BCAS3: variants seen among roughly 807,000 people sequenced by gnomAD.
BCAS3 encodes BCAS4/BCAS3 fusion.
A neutral mutation model predicts 116.1 loss-of-function variants in BCAS3; 53 were observed. That is an observed-to-expected ratio of 0.46 (90% confidence interval 0.37 to 0.57). The LOEUF (loss-of-function observed/expected upper bound fraction) is 0.57. Ranked by LOEUF, BCAS3 falls within the 20% of genes least tolerant of loss-of-function variation. BCAS3 has a pLI of 0.00. For missense variants in BCAS3, 917 were observed against 1,165.4 expected, an observed-to-expected ratio of 0.79 and a Z score of 3.10; for synonymous variants, 391 against 408.2, an observed-to-expected ratio of 0.96 and a Z score of 0.51.
intron 6 of BCAS3, among the ~76,000 whole-genome samples, chr17:60,785,098 C>CA (rs931845850): frequency 1.5e-4 from 23 of 150,786 alleles, no homozygotes; most frequent in African/African-American, 4.4e-4. Flanking sequence ...GACTCCGTCT[C>CA]AAAAAAAAAG....
At chr17:61,027,727 T>C (rs991279352) in intron 16 of BCAS3, among the ~76,000 whole-genome samples, 2 of 151,922 alleles carry the variant, frequency 1.3e-5, no homozygotes, top group South Asian at 4.1e-4. Flanking sequence ...AAAACCTTTC[T>C]ATTTCTTATT....
intron 22 of BCAS3, among the ~76,000 whole-genome samples, chr17:61,096,428 G>A (rs183510651): frequency 6.6e-5 from 10 of 152,274 alleles, no homozygotes; most frequent in Admixed American, 6.5e-4. Flanking sequence ...ATGGTGGTAT[G>A]CACCTGTAGT....
intron 13 of BCAS3, among the ~76,000 whole-genome samples, chr17:60,937,315 G>A (rs2059989542): frequency 6.6e-6 from 1 of 151,324 alleles, no homozygotes; most frequent in Admixed American, 6.6e-5. Flanking sequence ...GGGTGGGGTG[G>A]CTGCTCAAGT....
chr17:61,166,736 C>T (rs916069501), intron 22 of BCAS3, among the ~76,000 whole-genome samples: 1 of 152,024 alleles, frequency 6.6e-6, no homozygotes, highest in African/African-American at 2.4e-5. Context: ...TTTTTAGAGA[C>T]ATCATCTCAC....
rs551803031 is a variant in BCAS3 at position 61,149,972 on chromosome 17, C to T, written c.2425+65408C>T. Among the ~76,000 whole-genome samples, 4 of 152,164 alleles carry T rather than the reference C, an allele frequency of 2.6e-5. No individual in the cohort carries two copies. In the East Asian group the frequency reaches 7.7e-4, roughly 29 times the overall value. ...TGTGGAAAAGGTGGTAACAATTTAA[C>T]AAGACTGTACAACTGCAGAGACTTA... On this transcript the variant is annotated intron_variant, in intron 22 of 23. Coordinates refer to ENST00000407086, the MANE Select transcript of BCAS3 (RefSeq NM_017679.5).
rs762668532 is a variant in BCAS3, at chr17:61,077,225, A to G, written c.2131-1108A>G. On this transcript the variant is annotated intron_variant, in intron 20 of 23. Coordinates refer to ENST00000407086, the MANE Select transcript of BCAS3 (RefSeq NM_017679.5). This position sits in a 1 kb window ranked among gnomAD's most constrained non-coding sequence, Gnocchi z 4.3. The stretch of plus-strand genomic sequence containing the variant: ...CTTCTTTGACTTTATAATGTTTAAT[A>G]AAGTATTGGCGGCCGGGCGCAGTGG... Among the ~76,000 whole-genome samples, 11 of 152,102 alleles carry G rather than the reference A, an allele frequency of 7.2e-5. No homozygotes were observed. The highest frequency in any genetic ancestry group is 1.6e-4 in the Non-Finnish European group (11 of 68,020).
intron 4 of BCAS3, among the ~76,000 whole-genome samples, chr17:60,695,589 T>C (rs2035488878): frequency 6.6e-6 from 1 of 152,148 alleles, no homozygotes; most frequent in Non-Finnish European, 1.5e-5. Context: ...CATACTGTTT[T>C]CCATAGAAGA....
intron 12 of BCAS3, among the ~76,000 whole-genome samples, chr17:60,912,181 T>C (rs969124612): frequency 4.6e-5 from 7 of 152,124 alleles, no homozygotes; most frequent in Non-Finnish European, 8.8e-5. Context: ...ATCATTGATA[T>C]AAAAATACAA....
Position 61,332,038 on chromosome 17 carries a change from G to A in BCAS3, c.2426-36289G>A, listed in dbSNP as rs537025822. Among the ~76,000 whole-genome samples the A allele has an allele frequency of 2.0e-4, 30 of 152,210 alleles. No individual in the cohort carries two copies. Among genetic ancestry groups the A allele is most frequent in the South Asian group, 1.9e-3 (9 of 4,818 alleles). On this transcript the variant is annotated intron_variant, in intron 22 of 23. Transcript: ENST00000407086. The surrounding 1 kb of genome is among the most constrained non-coding windows in gnomAD (Gnocchi z 5.4). ...GTTTGGGCTAATCTTCTCCATATGC[G>A]TGTCTGGTTTGGCATGTGGGTCTCG...
intron 15 of BCAS3, among the ~76,000 whole-genome samples, chr17:61,014,830 A>G (rs1302553575): frequency 6.6e-6 from 1 of 152,200 alleles, no homozygotes; most frequent in Non-Finnish European, 1.5e-5. Context: ...CTGTATTTCT[A>G]TACATTAACA....
chr17:61,301,621 A>G (rs1449340179), intron 22 of BCAS3, among the ~76,000 whole-genome samples: 4 of 151,912 alleles, frequency 2.6e-5, no homozygotes, highest in African/African-American at 9.7e-5. Context: ...ACAGTGAGAG[A>G]CTCTGTCTCA....
rs977217563 is a variant in BCAS3, at chr17:61,354,224, G to A, written c.2426-14103G>A. ...GCCTTGGCTTCCTCATCTATGAAAT[G>A]GAGTTGACAGCATCTGTCCTGCCTG... On this transcript the variant is annotated intron_variant, in intron 22 of 23. Coordinates refer to ENST00000407086, the MANE Select transcript of BCAS3 (RefSeq NM_017679.5). This position sits in a 1 kb window ranked among gnomAD's most constrained non-coding sequence, Gnocchi z 4.5. 1 of 152,210 alleles carries A rather than the reference G, an allele frequency of 6.6e-6. No individual in the cohort carries two copies. Among genetic ancestry groups the A allele is most frequent in the Non-Finnish European group, 1.5e-5 (1 of 68,052 alleles). The allele number at this position is 152,210 out of a possible 1,614,324, so 9.4% of individuals were successfully genotyped here. A position where few individuals can be genotyped will look rare whatever the true frequency, so the allele number is the denominator to read the frequency against.
chr17:60,740,557 G>T (rs1049128515), intron 5 of BCAS3, among the ~76,000 whole-genome samples: 1 of 151,626 alleles, frequency 6.6e-6, no homozygotes, highest in Non-Finnish European at 1.5e-5. Context: ...TTGGGTAAAA[G>T]GAACTATGGT....
chr17:60,858,921 T>A (rs1173406343), intron 7 of BCAS3, among the ~76,000 whole-genome samples: 1 of 151,894 alleles, frequency 6.6e-6, no homozygotes, highest in Admixed American at 6.6e-5. Context: ...ATTAGGGCCA[T>A]TAAAAAACTG....
intron 22 of BCAS3, among the ~76,000 whole-genome samples, chr17:61,093,370 T>C (rs2073753686): frequency 1.3e-5 from 2 of 152,290 alleles, no homozygotes; most frequent in East Asian, 1.9e-4. Flanking sequence ...GCAGATTGCA[T>C]GAGCTTAGGA....
chr17:61,252,594 G>A (rs1441200211), intron 22 of BCAS3, among the ~76,000 whole-genome samples: 3 of 133,828 alleles, frequency 2.2e-5, no homozygotes, highest in African/African-American at 8.0e-5. Context: ...AAAAAAAAAA[G>A]CCTGGGAATT....
chr17:61,240,039 G>T (rs1171083896), intron 22 of BCAS3, among the ~76,000 whole-genome samples: 1 of 152,126 alleles, frequency 6.6e-6, no homozygotes, highest in East Asian at 1.9e-4. Flanking sequence ...CATTCTCCTG[G>T]TGACAGGTGT....
At position 60,868,687 on chromosome 17, in the gene BCAS3, A is replaced by AG; in HGVS notation, c.584+6dup. 6.4e-7 allele frequency: 1 copy of AG among 1,552,554 alleles called. No homozygotes were observed. Among genetic ancestry groups the AG allele is most frequent in the East Asian group, 2.3e-5 (1 of 42,854 alleles). The stretch of plus-strand genomic sequence containing the variant: ...ATGATCTCCATTGCAATAAACGGTA[A>AG]GGATTTTTTCATGGGTTTCTTGTGT... On this transcript the variant is annotated splice_donor_region_variant and intron_variant, in intron 8 of 23. Transcript: ENST00000407086.
chr17:60,826,529 A>G (rs550617087), intron 7 of BCAS3, among the ~76,000 whole-genome samples: 1 of 152,304 alleles, frequency 6.6e-6, no homozygotes, highest in East Asian at 1.9e-4. Context: ...AGACCATTGC[A>G]GCTGGTAAGG....
Sources: gnomAD v4.1 joint callset for allele counts (sites outside exome capture counted in the v4.1 genomes callset) on GRCh38, gnomAD v4.1.1 for gene constraint, Gnocchi (gnomAD v3.1) non-coding constraint, MANE v1.5 for transcripts, NCBI Gene and HGNC (gene_info 2026-07-23, HGNC 2026-07-21) for gene names.